Variants in GPHN observed in about 807,000 individuals in gnomAD.
GPHN encodes the protein gephyrin.
In GPHN, 17 loss-of-function variants were observed where a neutral mutation model predicts 95.5. The observed-to-expected ratio is 0.18, with a 90% CI of 0.12 to 0.27. The LOEUF (loss-of-function observed/expected upper bound fraction) is 0.27. Among genes scored for constraint, GPHN ranks in the 10% least tolerant of loss-of-function variants. GPHN has a pLI of 1.00. For missense variants in GPHN, 660 were observed against 978.1 expected, an observed-to-expected ratio of 0.67 and a Z score of 4.34; for synonymous variants, 320 against 322.5, an observed-to-expected ratio of 0.99 and a Z score of 0.08.
intron 2 of GPHN, among the ~76,000 whole-genome samples, chr14:66,735,489 A>G (rs1034175707): frequency 9.2e-5 from 14 of 152,306 alleles, no homozygotes; most frequent in African/African-American, 2.9e-4. Context: ...ATTAATAATT[A>G]TTTAAAATTA....
At chr14:66,961,945 TATACAC>T (rs2068968145) in intron 8 of GPHN, among the ~76,000 whole-genome samples, 3 of 79,090 alleles carry the variant, frequency 3.8e-5, no homozygotes, top group Non-Finnish European at 5.9e-5. Flanking sequence ...TATATATATA[TATACAC>T]ATATCTCCCA....
the GPHN span, chr14:67,685,203 G>A: frequency 1.2e-6 from 2 of 1,609,874 alleles, no homozygotes; most frequent in Non-Finnish European, 1.7e-6. Context: ...TAACGCCAGA[G>A]CCTGGTTGGG....
chr14:67,330,691 C>G, the GPHN span, among the ~76,000 whole-genome samples: 1 of 152,202 alleles, frequency 6.6e-6, no homozygotes, highest in African/African-American at 2.4e-5. Context: ...CTCCCGACCT[C>G]AGGTGATCCA....
At chr14:67,395,306 G>C in the GPHN span, 15 of 1,056,180 alleles carry the variant, frequency 1.4e-5, no homozygotes, top group Admixed American at 2.2e-4. Context: ...GCCAGACTGT[G>C]CAGCAAGCAC....
intron 2 of GPHN, among the ~76,000 whole-genome samples, chr14:66,683,363 TATATATATATATATATGTTC>T (rs1566812566): frequency 2.8e-5 from 3 of 105,470 alleles, no homozygotes; most frequent in African/African-American, 5.2e-5. Flanking sequence ...TATATATATA[TATATATATATATATATGTTC>T]ATATATATAT....
the GPHN span, among the ~76,000 whole-genome samples, chr14:67,666,659 C>G: frequency 2.2e-4 from 33 of 152,264 alleles, no homozygotes; most frequent in South Asian, 6.8e-3. Flanking sequence ...AATGCTAGAG[C>G]TAGGATGTAC....
Position 66,585,820 on chromosome 14 carries a change from A to G in GPHN, c.64+77229A>G, listed in dbSNP as rs537504922. On this transcript the variant is annotated intron_variant, in intron 1 of 22. Transcript: ENST00000478722. ...TGCTTTACTTCCAACTATGTGGTCAATTTTGGAATAGGTGTGGTGTGGTGC... is the reference window on the plus strand; with the variant it reads ...TGCTTTACTTCCAACTATGTGGTCAGTTTTGGAATAGGTGTGGTGTGGTGC... Among the ~76,000 whole-genome samples the G allele has an allele frequency of 1.1e-4, 16 of 152,242 alleles. No homozygotes were observed. The East Asian group carries it at 1.5e-3, about 15-fold the overall frequency.
Position 67,061,029 on chromosome 14 carries a change from A to G in GPHN, c.1144+2243A>G, listed in dbSNP as rs1157319125. Among the ~76,000 whole-genome samples the G allele has an allele frequency of 5.9e-5, 9 of 151,886 alleles. No individual in the cohort carries two copies. The East Asian group carries it at 1.7e-3, about 29-fold the overall frequency. On this transcript the variant is annotated intron_variant, in intron 11 of 22. Transcript: ENST00000478722. ...ATTCCCTCTGTTACTGTTTTAGTTTAGGTGTTTTTTTTCTTTTTTTTATTT... is the reference window on the plus strand; with the variant it reads ...ATTCCCTCTGTTACTGTTTTAGTTTGGGTGTTTTTTTTCTTTTTTTTATTT...
the GPHN span, chr14:67,568,981 T>C: frequency 1.7e-6 from 1 of 587,030 alleles, no homozygotes; most frequent in East Asian, 2.9e-5. Flanking sequence ...GGAAAATGAG[T>C]CTCAGAAATG....
intron 3 of GPHN, among the ~76,000 whole-genome samples, chr14:66,783,839 G>T (rs1479576251): frequency 1.3e-5 from 2 of 152,192 alleles, no homozygotes; most frequent in Non-Finnish European, 2.9e-5. Flanking sequence ...CCAGAGTGGT[G>T]TCAGTGAGAC....
chr14:66,646,352 A>G (rs2064742154), intron 1 of GPHN, among the ~76,000 whole-genome samples: 1 of 152,174 alleles, frequency 6.6e-6, no homozygotes, highest in South Asian at 2.1e-4. Context: ...TAGAAATTGG[A>G]ACCTTTGTGT....
chr14:66,805,274 C>T (rs1052533798), intron 3 of GPHN, among the ~76,000 whole-genome samples: 3 of 152,166 alleles, frequency 2.0e-5, no homozygotes, highest in African/African-American at 7.2e-5. Flanking sequence ...AAGGGAAAAA[C>T]CTGCCCCCAT....
the GPHN span, among the ~76,000 whole-genome samples, chr14:67,709,654 T>C: frequency 6.6e-6 from 1 of 152,218 alleles, no homozygotes; most frequent in Non-Finnish European, 1.5e-5. Context: ...AGCTTTAATT[T>C]CTGGCCCTGT....
the GPHN span, among the ~76,000 whole-genome samples, chr14:67,325,821 T>C: frequency 2.0e-5 from 3 of 151,728 alleles, no homozygotes; most frequent in African/African-American, 7.3e-5. Context: ...ATCTTTTTTT[T>C]TTTTTGAGAC....
At chr14:67,656,663 T>C in the GPHN span, 15 of 1,477,014 alleles carry the variant, frequency 1.0e-5, no homozygotes, top group South Asian at 1.4e-5. Context: ...CCTCATCACC[T>C]TCCCCATGTT....
At chr14:67,184,856 T>C (rs1050297941), downstream of GPHN, among the ~76,000 whole-genome samples, 1 of 152,082 alleles carries the variant, frequency 6.6e-6, no homozygotes, top group Non-Finnish European at 1.5e-5. Flanking sequence ...AGGACAGGCC[T>C]TGGGGTGTTG....
chr14:67,148,587 G>A, intron 18 of GPHN, among the ~76,000 whole-genome samples: 1 of 127,314 alleles, frequency 7.9e-6, no homozygotes, highest in African/African-American at 3.3e-5. Context: ...TTGAGACAGA[G>A]GCTCGCTCTG....
the GPHN span, among the ~76,000 whole-genome samples, chr14:67,532,379 G>A: frequency 6.6e-6 from 1 of 152,202 alleles, no homozygotes; most frequent in South Asian, 2.1e-4. Flanking sequence ...GTTTTGAAGT[G>A]TGGATCCCTC....
chr14:67,707,604 T>A, the GPHN span, among the ~76,000 whole-genome samples: 1 of 152,186 alleles, frequency 6.6e-6, no homozygotes. Context: ...AATTTTTATA[T>A]TTTTAGTAGA....
Sources: allele counts gnomAD v4.1 joint callset (sites outside exome capture counted in the v4.1 genomes callset), GRCh38; gene constraint gnomAD v4.1.1; transcripts MANE v1.5; gene names NCBI Gene and HGNC (gene_info 2026-07-23, HGNC 2026-07-21).